Variants in DMD observed in about 807,000 individuals in gnomAD.
DMD encodes the protein dystrophin, also known as mutant dystrophin.
DMD carries 63 observed loss-of-function variants against 330.1 expected under a neutral mutation model. That is an observed-to-expected ratio of 0.19 (90% CI 0.16 to 0.24). DMD has a LOEUF of 0.24. DMD is among the 10% of genes least tolerant of loss of function. The pLI is 1.00. For synonymous variants in DMD, 1,223 were observed against 959.8 expected (o/e 1.27, Z -5.07); for missense variants, 3,344 against 2,684.1 (o/e 1.25, Z -5.43).
chrX:32,749,719 C>G, intron 7 of DMD, among the ~76,000 whole-genome samples: 1 of 112,343 alleles, frequency 8.9e-6, no homozygotes, highest in South Asian at 3.7e-4. Context: ...TTGCTATAAT[C>G]TCTTTAAGAC....
At chrX:32,517,819 A>G (rs2046004379) in intron 18 of DMD, 189 bp downstream of exon 18, 1 of 492,032 alleles carries the variant, frequency 2.0e-6, no homozygotes, top group Non-Finnish European at 3.5e-6. Context: ...GTCACAGAAG[A>G]ATCCAGAAAG....
At chrX:31,223,238 CAT>C in intron 63 of DMD, 117 bp from the exon 64 acceptor site, 3 of 644,936 alleles carry the variant, frequency 4.7e-6, no homozygotes, top group Non-Finnish European at 5.2e-6. Flanking sequence ...GCCTAGAAAA[CAT>C]ATAGTGTGTA....
chrX:32,101,328 C>T (rs900825455), intron 44 of DMD, among the ~76,000 whole-genome samples: 3 of 111,058 alleles, frequency 2.7e-5, no homozygotes, highest in Non-Finnish European at 3.8e-5. Flanking sequence ...GAGTAAGTTA[C>T]CCTAGCCTCT....
intron 2 of DMD, among the ~76,000 whole-genome samples, chrX:32,921,903 A>G (rs777628397): frequency 9.0e-6 from 1 of 111,626 alleles, no homozygotes; most frequent in East Asian, 2.8e-4. Flanking sequence ...TTTAATTTGT[A>G]TAAACGTTTA....
chrX:32,317,254 T>C (rs1257346718), intron 41 of DMD, among the ~76,000 whole-genome samples: 2 of 111,629 alleles, frequency 1.8e-5, no homozygotes, highest in Non-Finnish European at 3.8e-5. Flanking sequence ...TAGCCTCATT[T>C]TCTAGAAACA....
chrX:32,809,766 T>G (rs912894209), intron 6 of DMD, among the ~76,000 whole-genome samples, 155 bp from the exon 7 acceptor site: 1 of 109,624 alleles, frequency 9.1e-6, no homozygotes, highest in Non-Finnish European at 1.9e-5. Flanking sequence ...AAAATATTTC[T>G]ATTTAAACAA....
intron 9 of DMD, among the ~76,000 whole-genome samples, chrX:32,671,939 G>A (rs758064800): frequency 3.6e-5 from 4 of 110,905 alleles, no homozygotes; most frequent in South Asian, 3.8e-4. Context: ...TTGTTTCTCT[G>A]AAAAAACACC....
intron 17 of DMD, among the ~76,000 whole-genome samples, chrX:32,544,176 C>T (rs1421558160): frequency 1.8e-5 from 2 of 111,384 alleles, no homozygotes; most frequent in East Asian, 2.8e-4. Context: ...GGAGAAAAGG[C>T]CCAGTGATTT....
intron 16 of DMD, among the ~76,000 whole-genome samples, chrX:32,562,761 C>G (rs973365381): frequency 1.8e-5 from 2 of 111,714 alleles, no homozygotes; most frequent in Non-Finnish European, 3.8e-5. Context: ...AAATCAGTTG[C>G]TCTTATATGA....
At chrX:32,259,570 C>A (rs1246266661) in intron 43 of DMD, among the ~76,000 whole-genome samples, 1 of 110,875 alleles carries the variant, frequency 9.0e-6, no homozygotes, top group Non-Finnish European at 1.9e-5. Context: ...AATTTATATT[C>A]ATGATGAATA....
chrX:31,829,849 A>G lies in DMD; in HGVS notation c.7200+6869T>C, dbSNP rs917405932. On this transcript the variant is annotated intron_variant, in intron 49 of 78. Transcript: ENST00000357033. ...TTCGAATATTGTAACTGAAACATCT[A>G]TGTCTCTTTGTCTCTCTCTTTAAGT... Among the ~76,000 whole-genome samples, 3 of 112,295 alleles carry G rather than the reference A, an allele frequency of 2.7e-5. No homozygotes were observed. The East Asian group carries it at 8.4e-4, about 31-fold the overall frequency.
chrX:32,096,182 GT>G (rs2096504711), intron 44 of DMD, among the ~76,000 whole-genome samples: 1 of 111,674 alleles, frequency 9.0e-6, no homozygotes, highest in Non-Finnish European at 1.9e-5. Flanking sequence ...GAGTTATCTG[GT>G]TTAATCATCC....
intron 55 of DMD, among the ~76,000 whole-genome samples, chrX:31,526,190 C>T (rs1396100687): frequency 6.2e-5 from 7 of 112,189 alleles, no homozygotes; most frequent in South Asian, 3.7e-4. Flanking sequence ...TCCATGTTTC[C>T]GAAGAGCGGC....
intron 51 of DMD, among the ~76,000 whole-genome samples, chrX:31,743,383 A>T (rs2087529186): frequency 8.9e-6 from 1 of 112,459 alleles, no homozygotes; most frequent in Non-Finnish European, 1.9e-5. Context: ...TTACTAAAAA[A>T]CCACATGTAT....
chrX:33,102,539 A>G (rs952264180), intron 1 of DMD, among the ~76,000 whole-genome samples: 33 of 111,492 alleles, frequency 3.0e-4, no homozygotes, highest in African/African-American at 1.1e-3. Context: ...ATTTTAAAAA[A>G]GACAGTGTTA....
chrX:32,868,853 A>T (rs1345405154), intron 2 of DMD, among the ~76,000 whole-genome samples: 1 of 112,171 alleles, frequency 8.9e-6, no homozygotes, highest in East Asian at 2.8e-4. Context: ...AAGCCCAGAC[A>T]AGTGGGATTC....
chrX:32,589,063 T>C (rs1295443245), intron 13 of DMD, among the ~76,000 whole-genome samples: 1 of 111,832 alleles, frequency 8.9e-6, no homozygotes, highest in African/African-American at 3.2e-5. Flanking sequence ...AGTTACCAAC[T>C]TCTGTCTGCT....
chrX:31,661,143 A>C, intron 53 of DMD, among the ~76,000 whole-genome samples: 1 of 112,057 alleles, frequency 8.9e-6, no homozygotes, highest in Admixed American at 9.5e-5. Flanking sequence ...CTTGAAAGGT[A>C]GAAATACGCG....
chrX:31,986,986 G>A (rs1024203715), intron 44 of DMD, among the ~76,000 whole-genome samples: 5 of 111,314 alleles, frequency 4.5e-5, no homozygotes, highest in African/African-American at 1.6e-4. Context: ...ATTCTCTCTC[G>A]ATTATCTATA....
Sources: allele counts gnomAD v4.1 joint callset (sites outside exome capture counted in the v4.1 genomes callset), GRCh38; gene constraint gnomAD v4.1.1; transcripts MANE v1.5; gene names NCBI Gene and HGNC (gene_info 2026-07-23, HGNC 2026-07-21).